Variants in NRP2 observed in about 807,000 individuals in gnomAD.
NRP2 encodes neuropilin-2.
Under a neutral mutation model 110.4 loss-of-function variants are expected in NRP2, and 52 were observed. The observed-to-expected ratio is 0.47, with a 90% CI of 0.38 to 0.59. The LOEUF (loss-of-function observed/expected upper bound fraction) is 0.59, where lower values mean the gene tolerates loss of function less well. Ranked by LOEUF, NRP2 falls within the 20% of genes least tolerant of loss-of-function variation. The pLI is 0.00. For missense variants in NRP2, 1,049 were observed against 1,203.0 expected (o/e 0.87, Z 1.89); for synonymous variants, 508 against 468.9 (o/e 1.08, Z -1.08).
intron 15 of NRP2, among the ~76,000 whole-genome samples, chr2:205,782,807 A>G (rs1359772708): frequency 6.6e-6 from 1 of 151,804 alleles, no homozygotes; most frequent in Non-Finnish European, 1.5e-5. Context: ...TTGATATGCC[A>G]GAGTGTATTA....
At chr2:205,700,726 A>T (rs779986403) in intron 2 of NRP2, 4 of 518,858 alleles carry the variant, frequency 7.7e-6, no homozygotes, top group South Asian at 4.2e-5. Flanking sequence ...TGCTTGGAAA[A>T]TTTCACTCAC....
chr2:205,743,937 T>C (rs927879032), intron 9 of NRP2, among the ~76,000 whole-genome samples: 15 of 152,060 alleles, frequency 9.9e-5, no homozygotes, highest in Non-Finnish European at 4.4e-5. Flanking sequence ...AGAGATGGGG[T>C]TTCACCGTAT....
chr2:205,713,832 G>A lies in NRP2; in HGVS notation c.252-2361G>A, dbSNP rs113776882. Among the ~76,000 whole-genome samples the A allele has an allele frequency of 6.7e-4, 102 of 152,238 alleles. 1 individual carries two copies. Among genetic ancestry groups the A allele is most frequent in the African/African-American group, 2.4e-3 (98 of 41,532 alleles). On this transcript the variant is annotated intron_variant, in intron 2 of 16. Coordinates refer to ENST00000357785, the MANE Select transcript of NRP2 (RefSeq NM_003872.3). Reference sequence around the variant, plus strand: ...TTTTTCAAAATATATGCACAAAGATGCATATGCATCTTTGCACAATTGTCT... The same window carrying A: ...TTTTTCAAAATATATGCACAAAGATACATATGCATCTTTGCACAATTGTCT...
chr2:205,766,897 A>G lies in NRP2; in HGVS notation c.2425+94A>G, dbSNP rs537650750. Reference sequence around the variant, plus strand: ...TTTGATGGGGGGAATCAACCTCCAAATTTGTCAAATCTCGCAAGAGAAAAG... The same window carrying G: ...TTTGATGGGGGGAATCAACCTCCAAGTTTGTCAAATCTCGCAAGAGAAAAG... On this transcript the variant is annotated intron_variant, in intron 15 of 16. Transcript: ENST00000357785. 1.4e-4 allele frequency: 161 copies of G among 1,185,686 alleles called. No individual in the cohort carries two copies. In the African/African-American group the frequency reaches 1.7e-3, roughly 12 times the overall value. The allele number at this position is 1,185,686 out of a possible 1,614,324, so 73.4% of individuals were successfully genotyped here. A position where few individuals can be genotyped will look rare whatever the true frequency, so the allele number is the denominator to read the frequency against.
chr2:205,725,865 G>T lies in NRP2; in HGVS notation c.821-48G>T. 6.2e-7 allele frequency: 1 copy of T among 1,605,872 alleles called. No individual in the cohort carries two copies. The highest frequency in any genetic ancestry group is 8.5e-7 in the Non-Finnish European group (1 of 1,173,768). On this transcript the variant is annotated intron_variant, in intron 5 of 16. Transcript: ENST00000357785. This position sits in a 1 kb window ranked among gnomAD's most constrained non-coding sequence, Gnocchi z 4.1. ...GAGGCAGCATTTGGGGGATCCCGAG[G>T]TATGAGGTTGGAAGGCCTAACTGCA...
intron 8 of NRP2, 55 bp from the exon 9 acceptor site, chr2:205,743,148 C>A (rs2057472705): frequency 6.2e-7 from 1 of 1,601,578 alleles, no homozygotes; most frequent in Admixed American, 1.7e-5. Flanking sequence ...AGCGGGTGGT[C>A]CCTGGTTAGC....
At chr2:205,768,664 G>A (rs2105929723) in intron 15 of NRP2, among the ~76,000 whole-genome samples, 1 of 152,264 alleles carries the variant, frequency 6.6e-6, no homozygotes, top group Middle Eastern at 3.4e-3. Context: ...TGCTCATTTA[G>A]CCAAAATAAA....
At position 205,797,890 on chromosome 2, in the gene NRP2, G is replaced by C. The variant is rs184191636; in HGVS notation, c.*2832G>C. 1 of 152,592 alleles carries C rather than the reference G, an allele frequency of 6.6e-6. No homozygotes were observed. The highest frequency in any genetic ancestry group is 2.1e-4 in the South Asian group (1 of 4,832). The allele number at this position is 152,592 out of a possible 1,614,324, so 9.5% of individuals were successfully genotyped here. On this transcript the variant is annotated 3_prime_UTR_variant, in exon 17 of 17. Transcript: ENST00000357785. ...GAGTTGACAGGGATGAGGGTCCAAG[G>C]AATAAGCATGAATGACAAGAAAACA...
intron 12 of NRP2, among the ~76,000 whole-genome samples, chr2:205,755,915 G>A (rs1403307159): frequency 2.0e-5 from 3 of 152,182 alleles, no homozygotes; most frequent in Non-Finnish European, 4.4e-5. Flanking sequence ...TGGGAGAGGA[G>A]CTAGCCGTGT....
intron 1 of NRP2, among the ~76,000 whole-genome samples, chr2:205,688,797 A>G (rs1403059421): frequency 6.6e-6 from 1 of 152,196 alleles, no homozygotes; most frequent in Non-Finnish European, 1.5e-5. Flanking sequence ...AGGATAGAGA[A>G]GAGTAGGATT....
At chr2:205,749,604 G>A in intron 10 of NRP2, 121 bp from the exon 11 acceptor site, 1 of 799,360 alleles carries the variant, frequency 1.3e-6, no homozygotes, top group East Asian at 2.5e-5. Context: ...CATGACTTCA[G>A]AGTTCCGTGC....
intron 1 of NRP2, among the ~76,000 whole-genome samples, chr2:205,690,345 G>C (rs2056283367): frequency 1.3e-5 from 2 of 152,088 alleles, no homozygotes; most frequent in African/African-American, 4.8e-5. Context: ...GCATCTTCCT[G>C]GTGGTACAGA....
At chr2:205,710,948 C>T (rs1461974527) in intron 2 of NRP2, among the ~76,000 whole-genome samples, 1 of 152,058 alleles carries the variant, frequency 6.6e-6, no homozygotes, top group Non-Finnish European at 1.5e-5. Flanking sequence ...ATTTGTTTGC[C>T]GCTAATAGTG....
At chr2:205,773,372 T>G (rs183061252) in intron 15 of NRP2, among the ~76,000 whole-genome samples, 2 of 152,318 alleles carry the variant, frequency 1.3e-5, no homozygotes, top group East Asian at 3.9e-4. Flanking sequence ...CATTAAAACA[T>G]GAATTCACAT....
intron 1 of NRP2, among the ~76,000 whole-genome samples, chr2:205,695,677 G>A (rs927768035): frequency 5.3e-5 from 8 of 152,142 alleles, no homozygotes; most frequent in African/African-American, 1.2e-4. Flanking sequence ...AGCTGGACCC[G>A]GTAGAAAATT....
rs56303275 is a variant in NRP2, at chr2:205,784,001, G to GACACACACACACACACACACAC, written c.2426-8213_2426-8212insCACACACACACACACACACACA. 7.4e-3 allele frequency among the ~76,000 whole-genome samples: 1,099 copies of GACACACACACACACACACACAC among 148,726 alleles called. 15 individuals are homozygous for GACACACACACACACACACACAC. The highest frequency in any genetic ancestry group is 0.023 in the African/African-American group (919 of 40,614). On this transcript the variant is annotated intron_variant, in intron 15 of 16. Transcript: ENST00000357785. ...GATGAACTAGAGTGCATCTCTCTCT[G>GACACACACACACACACACACAC]ACACACACACACACACACACAGTGC... is the stretch of plus-strand genomic sequence containing the variant.
intron 1 of NRP2, among the ~76,000 whole-genome samples, chr2:205,691,664 A>T (rs146167914): frequency 2.6e-5 from 4 of 152,128 alleles, no homozygotes; most frequent in Non-Finnish European, 5.9e-5. Flanking sequence ...CCTCAAAATT[A>T]TTCTTCTGTT....
intron 2 of NRP2, among the ~76,000 whole-genome samples, chr2:205,703,715 G>A (rs750985444): frequency 6.6e-6 from 1 of 152,200 alleles, no homozygotes; most frequent in Admixed American, 6.5e-5. Context: ...CAGGCAGCAG[G>A]GAGTGTGTTT....
chr2:205,749,761 T>C lies in NRP2; in HGVS notation c.1823T>C (p.Val608Ala). Residue 608 changes from valine (V) to alanine (A), a missense_variant, in exon 11 of 17, where the codon GTG becomes GCG. Transcript: ENST00000357785. ...KPTVETLGPT[V>A]KSEETTTPYP... ...ACGGTAGAGACGCTGGGACCCACTG[T>C]GAAGAGCGAAGAGACAACCACCCCC... is the stretch of plus-strand genomic sequence containing the variant. 1 of 1,614,168 alleles carries C rather than the reference T, an allele frequency of 6.2e-7. No individual in the cohort carries two copies. The highest frequency in any genetic ancestry group is 8.5e-7 in the Non-Finnish European group (1 of 1,180,016).
Sources: allele counts gnomAD v4.1 joint callset (sites outside exome capture counted in the v4.1 genomes callset), GRCh38; gene constraint gnomAD v4.1.1; non-coding constraint Gnocchi (gnomAD v3.1); transcripts MANE v1.5; gene names NCBI Gene and HGNC (gene_info 2026-07-23, HGNC 2026-07-21).